The following QTGAL variants were observed in gnomAD, a reference collection of about 807,000 sequenced individuals.
QTGAL encodes BGnT-like protein 1.
the QTGAL span, among the ~76,000 whole-genome samples, chr17:83,020,029 C>T: frequency 5.3e-5 from 8 of 152,062 alleles, no homozygotes; most frequent in Admixed American, 1.3e-4. Context: ...CCACTGCACC[C>T]GGCCAAGAAT....
the QTGAL span, among the ~76,000 whole-genome samples, chr17:83,022,138 G>C: frequency 4.6e-5 from 7 of 152,234 alleles, no homozygotes; most frequent in Admixed American, 4.6e-4. Flanking sequence ...GGTTTCTTAG[G>C]TTCTTAGACG....
chr17:83,046,444 G>GAT, the QTGAL span, among the ~76,000 whole-genome samples: 1 of 152,146 alleles, frequency 6.6e-6, no homozygotes. Context: ...GCCCAAGGAA[G>GAT]ATATATAAAT....
At chr17:83,044,194 C>T in the QTGAL span, among the ~76,000 whole-genome samples, 4,769 of 152,244 alleles carry the variant, frequency 0.031, 263 homozygotes, top group African/African-American at 0.11. Context: ...TAGGAACCTA[C>T]AGGCCAATAG....
chr17:82,961,408 TG>T, the QTGAL span: 64 of 290,908 alleles, frequency 2.2e-4, 1 homozygote, highest in South Asian at 1.7e-3. Flanking sequence ...GAGGGTGGGC[TG>T]GGTCTTGGTT....
the QTGAL span, among the ~76,000 whole-genome samples, chr17:83,027,123 G>A: frequency 8.0e-4 from 58 of 72,864 alleles, no homozygotes; most frequent in South Asian, 2.1e-3. Flanking sequence ...GAGCCTGCAG[G>A]CAAACCCACC....
At chr17:82,957,463 G>A in the QTGAL span, 1 of 1,609,458 alleles carries the variant, frequency 6.2e-7, no homozygotes, top group African/African-American at 1.3e-5. Context: ...TGCTCTTCCA[G>A]GAAGCGGACG....
the QTGAL span, among the ~76,000 whole-genome samples, chr17:83,000,328 A>C: frequency 2.0e-5 from 3 of 152,216 alleles, no homozygotes; most frequent in Admixed American, 2.0e-4. Flanking sequence ...GGAGATGATC[A>C]GCCTCACCCA....
At chr17:83,017,262 T>G in the QTGAL span, among the ~76,000 whole-genome samples, 16 of 152,188 alleles carry the variant, frequency 1.1e-4, no homozygotes, top group Non-Finnish European at 2.1e-4. Flanking sequence ...GGAGTAGTTC[T>G]AGTGTTCGAT....
At chr17:82,948,025 CA>C in the QTGAL span, 1 of 152,242 alleles carries the variant, frequency 6.6e-6, no homozygotes, top group Non-Finnish European at 1.5e-5. Context: ...AGGCAAACCA[CA>C]AAATGGAGGA....
At chr17:83,042,864 T>C in the QTGAL span, among the ~76,000 whole-genome samples, 1 of 152,186 alleles carries the variant, frequency 6.6e-6, no homozygotes, top group African/African-American at 2.4e-5. Context: ...AAAGAGATAT[T>C]CCACGCAACT....
At chr17:82,947,438 C>T in the QTGAL span, 1 of 160,048 alleles carries the variant, frequency 6.2e-6, no homozygotes, top group Admixed American at 6.4e-5. Context: ...TGGCCTCTGT[C>T]ATCCCCACCC....
chr17:83,051,055 G>T, the QTGAL span, among the ~76,000 whole-genome samples: 1 of 150,610 alleles, frequency 6.6e-6, no homozygotes, highest in Non-Finnish European at 1.5e-5. Context: ...GGGGAGGTGT[G>T]CAGACCAGGT....
chr17:83,009,954 T>C, the QTGAL span, among the ~76,000 whole-genome samples: 7 of 72,038 alleles, frequency 9.7e-5, no homozygotes, highest in African/African-American at 3.8e-4. Flanking sequence ...AGGGGGGCTG[T>C]GGGGGAGGGG....
chr17:83,040,101 C>A, the QTGAL span, among the ~76,000 whole-genome samples: 4 of 152,196 alleles, frequency 2.6e-5, 1 homozygote, highest in African/African-American at 9.7e-5. Context: ...GCAGTGGCTC[C>A]TGATCCTGGA....
the QTGAL span, among the ~76,000 whole-genome samples, chr17:82,999,158 A>G: frequency 1.3e-3 from 203 of 152,348 alleles, 1 homozygote; most frequent in African/African-American, 4.5e-3. Context: ...AAGGCTGGAC[A>G]TATATTCACT....
chr17:83,004,836 C>T, the QTGAL span, among the ~76,000 whole-genome samples: 4 of 152,208 alleles, frequency 2.6e-5, no homozygotes, highest in Non-Finnish European at 5.9e-5. Flanking sequence ...CTGAGCTCAC[C>T]CTCCCGCCCT....
the QTGAL span, among the ~76,000 whole-genome samples, chr17:83,050,842 C>G: frequency 9.6e-4 from 145 of 150,738 alleles, no homozygotes; most frequent in African/African-American, 3.4e-3. Flanking sequence ...GATGCGCAGG[C>G]AGGTGTGCAC....
chr17:82,951,306 C>A, the QTGAL span, among the ~76,000 whole-genome samples: 1 of 152,240 alleles, frequency 6.6e-6, no homozygotes, highest in South Asian at 2.1e-4. Context: ...CCTGCTGCCT[C>A]ACCTCACACT....
At chr17:82,947,256 G>T in the QTGAL span, 2 of 466,138 alleles carry the variant, frequency 4.3e-6, no homozygotes, top group East Asian at 3.4e-5. Context: ...CTCTCCCTGG[G>T]GGCACTCGGA....
Sources: gnomAD v4.1 joint callset for allele counts (sites outside exome capture counted in the v4.1 genomes callset) on GRCh38, gnomAD v4.1.1 for gene constraint, MANE v1.5 for transcripts, NCBI Gene and HGNC (gene_info 2026-07-23, HGNC 2026-07-21) for gene names.